The following CACNA2D1 variants were observed in gnomAD, a reference collection of about 807,000 sequenced individuals.
CACNA2D1 encodes calcium voltage-gated channel auxiliary subunit alpha2delta 1, also known as voltage-dependent calcium channel subunit alpha-2/delta-1.
Under a neutral mutation model 171.5 loss-of-function variants are expected in CACNA2D1, and 53 were observed. That is an observed-to-expected ratio of 0.31 (90% CI 0.25 to 0.39). The LOEUF (loss-of-function observed/expected upper bound fraction) is 0.39, where lower values mean the gene tolerates loss of function less well. CACNA2D1 is among the 10% of genes least tolerant of loss of function. The pLI, the probability that CACNA2D1 is intolerant of heterozygous loss-of-function variation, is 1.00. For missense variants in CACNA2D1, 903 were observed against 1,299.8 expected, an observed-to-expected ratio of 0.69 and a Z score of 4.69; for synonymous variants, 442 against 443.1, an observed-to-expected ratio of 1.00 and a Z score of 0.03.
rs189912282 is a variant in CACNA2D1 at position 82,282,909 on chromosome 7, C to T, written c.294+52226G>A. On this transcript the variant is annotated intron_variant, in intron 3 of 38. Transcript: ENST00000356860. The stretch of plus-strand genomic sequence containing the variant: ...CTACAATACATTACAAATTTAAACG[C>T]TGCAATTCGCCTAATATAAGAATCA... 2.4e-4 allele frequency among the ~76,000 whole-genome samples: 36 copies of T among 152,250 alleles called. 1 individual carries two copies. The highest frequency in any genetic ancestry group is 1.0e-3 in the Admixed American group (16 of 15,278).
chr7:82,313,820 T>A (rs1814768462), intron 3 of CACNA2D1, among the ~76,000 whole-genome samples: 1 of 152,358 alleles, frequency 6.6e-6, no homozygotes, highest in African/African-American at 2.4e-5. Context: ...AAATCATGGT[T>A]ATTTATGGGT....
chr7:82,413,210 A>T (rs1232193254), intron 1 of CACNA2D1, among the ~76,000 whole-genome samples: 1 of 152,208 alleles, frequency 6.6e-6, no homozygotes, highest in Non-Finnish European at 1.5e-5. Flanking sequence ...ATTTTGTCTG[A>T]GGAACAATTT....
At chr7:82,401,451 C>A (rs150414415) in intron 1 of CACNA2D1, among the ~76,000 whole-genome samples, 27,133 of 148,648 alleles carry the variant, frequency 0.18, 2,984 homozygotes, top group East Asian at 0.46. Flanking sequence ...TAAACTATCG[C>A]AAGAACAAAA....
At chr7:82,394,198 T>A (rs945941586) in intron 1 of CACNA2D1, among the ~76,000 whole-genome samples, 10 of 152,142 alleles carry the variant, frequency 6.6e-5, no homozygotes, top group African/African-American at 2.2e-4. Flanking sequence ...TCTTGATACG[T>A]CTACCTGCAT....
At chr7:82,214,725 A>C (rs1800928972) in intron 3 of CACNA2D1, among the ~76,000 whole-genome samples, 2 of 152,352 alleles carry the variant, frequency 1.3e-5, no homozygotes, top group South Asian at 4.1e-4. Flanking sequence ...TCTGTTTACA[A>C]TGTATCAAAA....
At chr7:82,129,945 T>C (rs989208306) in intron 5 of CACNA2D1, among the ~76,000 whole-genome samples, 6 of 152,182 alleles carry the variant, frequency 3.9e-5, no homozygotes, top group Non-Finnish European at 4.4e-5. Context: ...ATGTATTTCA[T>C]TGCCAATCCT....
intron 6 of CACNA2D1, among the ~76,000 whole-genome samples, chr7:82,095,957 A>C (rs1003270435): frequency 6.6e-6 from 1 of 152,154 alleles, no homozygotes; most frequent in Non-Finnish European, 1.5e-5. Context: ...ATACTGGCCC[A>C]ATTTTTAGAT....
intron 3 of CACNA2D1, among the ~76,000 whole-genome samples, chr7:82,180,715 A>T (rs1000397112): frequency 5.9e-5 from 9 of 152,154 alleles, no homozygotes; most frequent in African/African-American, 2.2e-4. Context: ...ACTAAAATGC[A>T]TAAAACAGAA....
At chr7:82,151,461 T>C (rs1470558744) in intron 4 of CACNA2D1, among the ~76,000 whole-genome samples, 2 of 152,130 alleles carry the variant, frequency 1.3e-5, no homozygotes, top group Non-Finnish European at 2.9e-5. Flanking sequence ...CCATGGTTGC[T>C]AACAAATCAA....
At chr7:82,024,275 G>A (rs1315589333) in intron 12 of CACNA2D1, among the ~76,000 whole-genome samples, 1 of 151,460 alleles carries the variant, frequency 6.6e-6, no homozygotes, top group Non-Finnish European at 1.5e-5. Flanking sequence ...CATCAACATT[G>A]TGCAAGGATT....
At position 82,401,952 on chromosome 7, in the gene CACNA2D1, A is replaced by T. The variant is rs1046575929; in HGVS notation, c.95+41413T>A. On this transcript the variant is annotated intron_variant, in intron 1 of 38. Transcript: ENST00000356860. ...AATGGGATAGAAAGCGCGAAAGCAG[A>T]GTTGTAATTTTAGAGAGGTAGACAG... 2.6e-5 allele frequency among the ~76,000 whole-genome samples: 4 copies of T among 152,352 alleles called. No individual in the cohort carries two copies. In the East Asian group the frequency reaches 5.8e-4, roughly 22 times the overall value.
At chr7:82,197,994 AG>A (rs199695218) in intron 3 of CACNA2D1, among the ~76,000 whole-genome samples, 6,865 of 152,188 alleles carry the variant, frequency 0.045, 192 homozygotes, top group Non-Finnish European at 0.061. Flanking sequence ...ATTAAATGTC[AG>A]GATCTTTCCT....
intron 7 of CACNA2D1, among the ~76,000 whole-genome samples, chr7:82,072,303 C>T (rs1218801393): frequency 6.6e-6 from 1 of 152,000 alleles, no homozygotes; most frequent in Non-Finnish European, 1.5e-5. Context: ...GATTATTAGA[C>T]ATTATATGCT....
intron 4 of CACNA2D1, among the ~76,000 whole-genome samples, chr7:82,146,983 CAAAAAAAAAAAAAAAAAAAA>C (rs764990586): frequency 3.9e-5 from 1 of 25,476 alleles, no homozygotes; most frequent in Non-Finnish European, 6.1e-5. Context: ...ACTCCCATCT[CAAAAAAAAAAAAAAAAAAAA>C]AAAAAAAAAA....
intron 1 of CACNA2D1, among the ~76,000 whole-genome samples, chr7:82,393,083 AAGGCAGGC>A (rs1204828684): frequency 0.021 from 1,759 of 82,232 alleles, 89 homozygotes; most frequent in African/African-American, 0.079. Context: ...GGAAGGAAGG[AAGGCAGGC>A]AGGCAGGCAG....
intron 3 of CACNA2D1, among the ~76,000 whole-genome samples, chr7:82,300,172 GT>G (rs1812825930): frequency 6.6e-6 from 1 of 151,852 alleles, no homozygotes. Context: ...GAAAGAAAAA[GT>G]AAATAAAGCA....
At chr7:82,384,236 C>T (rs1036804110) in intron 1 of CACNA2D1, among the ~76,000 whole-genome samples, 6 of 152,284 alleles carry the variant, frequency 3.9e-5, no homozygotes, top group African/African-American at 1.4e-4. Context: ...TATGTTGAAA[C>T]CCTAAACTCC....
intron 24 of CACNA2D1, among the ~76,000 whole-genome samples, chr7:81,979,313 T>C (rs1796201770): frequency 6.6e-6 from 1 of 151,574 alleles, no homozygotes; most frequent in Non-Finnish European, 1.5e-5. Flanking sequence ...TAAAAAAAAA[T>C]ATGAAATGTG....
chr7:82,126,363 T>C (rs1182251738), intron 5 of CACNA2D1, among the ~76,000 whole-genome samples: 4 of 152,220 alleles, frequency 2.6e-5, no homozygotes, highest in Admixed American at 2.6e-4. Context: ...ATTGTCTCTA[T>C]CTTAAAAGAC....
Sources: allele counts gnomAD v4.1 joint callset (sites outside exome capture counted in the v4.1 genomes callset), GRCh38; gene constraint gnomAD v4.1.1; transcripts MANE v1.5; gene names NCBI Gene and HGNC (gene_info 2026-07-23, HGNC 2026-07-21).